Variants in KCNK12 observed in about 807,000 individuals in gnomAD.
The protein encoded by KCNK12 is potassium two pore domain channel subfamily K member 12.
KCNK12 carries 6 observed loss-of-function variants against 25.3 expected under a neutral mutation model. The ratio of observed to expected loss-of-function variants is 0.24; its 90% CI spans 0.13 to 0.47. The LOEUF is 0.47. Ranked by LOEUF, KCNK12 falls within the 20% of genes least tolerant of loss-of-function variation. The pLI is 0.99. For synonymous variants in KCNK12, 331 were observed against 311.1 expected (o/e 1.06, Z -0.67); for missense variants, 444 against 661.7 (o/e 0.67, Z 3.61).
In KCNK12 at chr2:47,569,304, G is replaced by C. The variant is rs1243981380; in HGVS notation, c.391+637C>G. ...ATTGGAGAAGGGGCTGGGAGCTGGG[G>C]GAGAACACAAGGAAGGGAGGCAGAA... is the stretch of plus-strand genomic sequence containing the variant. On this transcript the variant is annotated intron_variant, in intron 1 of 1. Coordinates refer to ENST00000327876, the MANE Select transcript of KCNK12 (RefSeq NM_022055.2). The surrounding 1 kb of genome is among the most constrained non-coding windows in gnomAD (Gnocchi z 4.1). 6.6e-6 allele frequency among the ~76,000 whole-genome samples: 1 copy of C among 152,040 alleles called. No individual in the cohort carries two copies.
rs1669542933 is a variant in KCNK12, at chr2:47,555,992, C to T, written c.391+13949G>A. The T allele has an allele frequency of 6.6e-6, 1 of 152,084 alleles. No homozygotes were observed. Among genetic ancestry groups the T allele is most frequent in the Non-Finnish European group, 1.5e-5 (1 of 68,040 alleles). The allele number at this position is 152,084 out of a possible 1,614,324, so 9.4% of individuals were successfully genotyped here. On this transcript the variant is annotated intron_variant, in intron 1 of 1. Coordinates refer to ENST00000327876, the MANE Select transcript of KCNK12 (RefSeq NM_022055.2). This position sits in a 1 kb window ranked among gnomAD's most constrained non-coding sequence, Gnocchi z 4.5. ...TTTTTAGGAAGGGGGCCACTAGGGA[C>T]CTTACAATAACGTAGTCACTGGAAA...
At position 47,511,953 on chromosome 2, in the gene KCNK12, G is replaced by T. The variant is rs1241225352; in HGVS notation, c.*8954C>A. On this transcript the variant is annotated 3_prime_UTR_variant, in exon 2 of 2. Transcript: ENST00000327876. The surrounding 1 kb of genome is among the most constrained non-coding windows in gnomAD (Gnocchi z 4.3). ...ACATTTAAATAGCTGTGTGTGGCTT[G>T]TGGCTGCCTATTGGACTGTGCAGTT... Among the ~76,000 whole-genome samples, 1 of 152,232 alleles carries T rather than the reference G, an allele frequency of 6.6e-6. No homozygotes were observed. The highest frequency in any genetic ancestry group is 1.5e-5 in the Non-Finnish European group (1 of 68,046).
intron 1 of KCNK12, among the ~76,000 whole-genome samples, chr2:47,539,064 C>T (rs1055044914): frequency 3.1e-4 from 47 of 152,206 alleles, no homozygotes; most frequent in African/African-American, 1.0e-3. Context: ...TTAATAGCTG[C>T]AAGCAATGTG....
At chr2:47,534,666 A>T (rs575220775) in intron 1 of KCNK12, among the ~76,000 whole-genome samples, 1 of 151,918 alleles carries the variant, frequency 6.6e-6, no homozygotes. Flanking sequence ...AGATGAAGAA[A>T]GCTCTGCCCA....
At chr2:47,544,200 C>T (rs1269110534) in intron 1 of KCNK12, among the ~76,000 whole-genome samples, 1 of 152,244 alleles carries the variant, frequency 6.6e-6, no homozygotes, top group Non-Finnish European at 1.5e-5. Flanking sequence ...CCTGTGCCCC[C>T]ATTCCCCATC....
intron 1 of KCNK12, among the ~76,000 whole-genome samples, chr2:47,541,142 A>T (rs1229540748): frequency 6.6e-6 from 1 of 152,108 alleles, no homozygotes; most frequent in Non-Finnish European, 1.5e-5. Context: ...GCGCCCCAGT[A>T]CCTGATACAT....
At chr2:47,564,293 C>T in intron 1 of KCNK12, 1 of 230,106 alleles carries the variant, frequency 4.3e-6, no homozygotes, top group Non-Finnish European at 8.6e-6. Context: ...GGGCTGGCCA[C>T]AAGCACCATG....
intron 1 of KCNK12, among the ~76,000 whole-genome samples, chr2:47,542,002 C>T (rs1389029292): frequency 2.0e-5 from 3 of 152,200 alleles, no homozygotes; most frequent in Non-Finnish European, 2.9e-5. Flanking sequence ...GCAGCAGCGG[C>T]AGCAGGGAGC....
chr2:47,530,872 G>A (rs1316786830), intron 1 of KCNK12, among the ~76,000 whole-genome samples: 1 of 152,154 alleles, frequency 6.6e-6, no homozygotes, highest in Admixed American at 6.5e-5. Flanking sequence ...TAAAGACATT[G>A]AAGTTCAGTA....
intron 1 of KCNK12, among the ~76,000 whole-genome samples, chr2:47,532,604 C>T (rs151308564): frequency 1.3e-5 from 2 of 152,322 alleles, no homozygotes; most frequent in East Asian, 1.9e-4. Flanking sequence ...CTTTGTTTAA[C>T]GTGCCAAGAA....
chr2:47,567,216 C>G (rs1669802142), intron 1 of KCNK12: 1 of 152,194 alleles, frequency 6.6e-6, no homozygotes, highest in African/African-American at 2.4e-5. Flanking sequence ...TTCCACAGCA[C>G]TGTATGAACC....
In KCNK12 at chr2:47,551,848, A is replaced by G. The variant is rs1047543642; in HGVS notation, c.391+18093T>C. Among the ~76,000 whole-genome samples, 1 of 152,226 alleles carries G rather than the reference A, an allele frequency of 6.6e-6. No homozygotes were observed. The highest frequency in any genetic ancestry group is 2.4e-5 in the African/African-American group (1 of 41,462). ...TGGAGTTCTGAATGACATGTGTCTC[A>G]CTACAGTGGCATTACAGAGAAAGCC... On this transcript the variant is annotated intron_variant, in intron 1 of 1. Coordinates refer to ENST00000327876, the MANE Select transcript of KCNK12 (RefSeq NM_022055.2). The surrounding 1 kb of genome is among the most constrained non-coding windows in gnomAD (Gnocchi z 5.3).
chr2:47,524,584 C>T (rs1235023070), intron 1 of KCNK12, among the ~76,000 whole-genome samples: 1 of 152,104 alleles, frequency 6.6e-6, no homozygotes, highest in Non-Finnish European at 1.5e-5. Flanking sequence ...TGATAAAAGT[C>T]AGAATTGGGA....
chr2:47,544,928 TG>T (rs1669280072), intron 1 of KCNK12, among the ~76,000 whole-genome samples: 1 of 152,214 alleles, frequency 6.6e-6, no homozygotes, highest in Non-Finnish European at 1.5e-5. Context: ...AAAAAATCCC[TG>T]GAGTACTATT....
rs1048504435 is a variant in KCNK12, at chr2:47,540,107, G to A, written c.392-18299C>T. ...GCTGGCGGATTTAGCAGAGTACGTG[G>A]CACAGAGGAAACACTAAATATGCTT... On this transcript the variant is annotated intron_variant, in intron 1 of 1. Transcript: ENST00000327876. The surrounding 1 kb of genome is among the most constrained non-coding windows in gnomAD (Gnocchi z 5.4). 1.3e-5 allele frequency among the ~76,000 whole-genome samples: 2 copies of A among 152,200 alleles called. No homozygotes were observed. The highest frequency in any genetic ancestry group is 2.9e-5 in the Non-Finnish European group (2 of 68,036).
intron 1 of KCNK12, among the ~76,000 whole-genome samples, chr2:47,539,617 A>G (rs889943566): frequency 2.6e-5 from 4 of 152,210 alleles, no homozygotes; most frequent in African/African-American, 9.7e-5. Flanking sequence ...AGAAATTTCT[A>G]GAAGAATCTA....
chr2:47,569,495 G>C lies in KCNK12; in HGVS notation c.391+446C>G, dbSNP rs1462358745. Among the ~76,000 whole-genome samples the C allele has an allele frequency of 6.6e-6, 1 of 151,892 alleles. No homozygotes were observed. Among genetic ancestry groups the C allele is most frequent in the African/African-American group, 2.4e-5 (1 of 41,348 alleles). On this transcript the variant is annotated intron_variant, in intron 1 of 1. Coordinates refer to ENST00000327876, the MANE Select transcript of KCNK12 (RefSeq NM_022055.2). This position sits in a 1 kb window ranked among gnomAD's most constrained non-coding sequence, Gnocchi z 4.1. ...TAGAGGCCACTGAGGGAGAAAACAG[G>C]GTAAAAGAAGAAAGCGGGGGAGACT...
rs1006419072 is a variant in KCNK12, at chr2:47,515,190, C to T, written c.*5717G>A. Among the ~76,000 whole-genome samples, 7 of 152,154 alleles carry T rather than the reference C, an allele frequency of 4.6e-5. No individual in the cohort carries two copies. The highest frequency in any genetic ancestry group is 1.9e-4 in the East Asian group (1 of 5,192). On this transcript the variant is annotated 3_prime_UTR_variant, in exon 2 of 2. Transcript: ENST00000327876. ...GACGAGAAATCAGGCCTCTCCGCCA[C>T]GGCAGCCTAGCTAATGGGTCTTGGC...
intron 1 of KCNK12, among the ~76,000 whole-genome samples, chr2:47,559,996 C>T (rs1015735221): frequency 6.6e-6 from 1 of 152,154 alleles, no homozygotes; most frequent in African/African-American, 2.4e-5. Context: ...CACTGGCAGG[C>T]GCTTGGTGCA....
Sources: gnomAD v4.1 joint callset for allele counts (sites outside exome capture counted in the v4.1 genomes callset) on GRCh38, gnomAD v4.1.1 for gene constraint, Gnocchi (gnomAD v3.1) non-coding constraint, MANE v1.5 for transcripts, NCBI Gene and HGNC (gene_info 2026-07-23, HGNC 2026-07-21) for gene names.